MYO1D: variants seen among roughly 807,000 people sequenced by gnomAD.
MYO1D encodes the protein myosin ID.
A neutral mutation model predicts 122.0 loss-of-function variants in MYO1D; 83 were observed. That is an observed-to-expected ratio of 0.68 (90% CI 0.57 to 0.82). The LOEUF is 0.82. Ranked by LOEUF, MYO1D falls within the 40% of genes least tolerant of loss-of-function variation. The pLI is 0.00. For synonymous variants in MYO1D, 464 were observed against 446.9 expected, an observed-to-expected ratio of 1.04 and a Z score of -0.48; for missense variants, 1,157 against 1,269.5, an observed-to-expected ratio of 0.91 and a Z score of 1.35.
At chr17:32,552,695 G>T (rs2087028969) in intron 21 of MYO1D, among the ~76,000 whole-genome samples, 1 of 152,318 alleles carries the variant, frequency 6.6e-6, no homozygotes, top group Middle Eastern at 3.4e-3. Flanking sequence ...AAATGCTCTT[G>T]CTCCAATGGA....
At chr17:32,500,579 GTGACTACGTGTGT>G (rs1173787727) in intron 21 of MYO1D, among the ~76,000 whole-genome samples, 2 of 152,116 alleles carry the variant, frequency 1.3e-5, no homozygotes, top group Non-Finnish European at 2.9e-5. Flanking sequence ...AGGGGGTTGA[GTGACTACGTGTGT>G]TGAGCTCACC....
At chr17:32,510,282 C>G (rs1909646431) in intron 21 of MYO1D, 1 of 152,224 alleles carries the variant, frequency 6.6e-6, no homozygotes, top group African/African-American at 2.4e-5. Context: ...GCTTCTGAGT[C>G]AGAGGAAAAG....
chr17:32,807,948 T>C (rs1438963799), intron 1 of MYO1D, among the ~76,000 whole-genome samples: 2 of 152,218 alleles, frequency 1.3e-5, no homozygotes, highest in African/African-American at 4.8e-5. Context: ...ATAATTGAGA[T>C]GTCAGCCCCT....
At chr17:32,651,053 T>C (rs191460562) in intron 19 of MYO1D, among the ~76,000 whole-genome samples, 2 of 152,336 alleles carry the variant, frequency 1.3e-5, no homozygotes, top group East Asian at 3.9e-4. Flanking sequence ...TGGGAACAGT[T>C]TGATTATCTC....
At chr17:32,704,522 G>C (rs1598024238) in intron 16 of MYO1D, among the ~76,000 whole-genome samples, 1 of 152,238 alleles carries the variant, frequency 6.6e-6, no homozygotes, top group East Asian at 1.9e-4. Flanking sequence ...AACCTTAACA[G>C]TGTACATCTT....
intron 1 of MYO1D, among the ~76,000 whole-genome samples, chr17:32,781,259 A>C (rs986317263): frequency 1.3e-5 from 2 of 152,238 alleles, no homozygotes; most frequent in African/African-American, 4.8e-5. Flanking sequence ...AGTAAAATCC[A>C]TAACAGAGAG....
intron 21 of MYO1D, chr17:32,529,950 C>T (rs1325472358): frequency 6.6e-6 from 1 of 152,222 alleles, no homozygotes; most frequent in Non-Finnish European, 1.5e-5. Context: ...TCCACTTGAA[C>T]AATAGCGTTT....
chr17:32,844,708 G>A (rs1263880261), intron 1 of MYO1D, among the ~76,000 whole-genome samples: 1 of 151,860 alleles, frequency 6.6e-6, no homozygotes, highest in African/African-American at 2.4e-5. Context: ...CTGGATGACA[G>A]GGCAAGACCC....
intron 1 of MYO1D, chr17:32,830,190 C>T (rs2090758260): frequency 1.3e-5 from 2 of 151,986 alleles, no homozygotes; most frequent in Admixed American, 1.3e-4. Context: ...CAAAATTCTC[C>T]ATCTGATGAA....
intron 4 of MYO1D, among the ~76,000 whole-genome samples, chr17:32,773,771 C>CT (rs1187903437): frequency 6.6e-6 from 1 of 152,162 alleles, no homozygotes; most frequent in African/African-American, 2.4e-5. Context: ...GAAAACAGCA[C>CT]TTTAAATTTC....
intron 15 of MYO1D, among the ~76,000 whole-genome samples, chr17:32,718,433 C>G (rs1414860716): frequency 6.6e-6 from 1 of 152,160 alleles, no homozygotes; most frequent in Non-Finnish European, 1.5e-5. Context: ...CGTGGTGGCT[C>G]ATGCCTATAA....
chr17:32,707,559 AT>A (rs202159787), intron 16 of MYO1D, among the ~76,000 whole-genome samples: 1 of 36,150 alleles, frequency 2.8e-5, no homozygotes. Flanking sequence ...GGGAAGACTA[AT>A]GGGGGTCCCC....
chr17:32,554,993 A>G (rs1460733867), intron 21 of MYO1D, among the ~76,000 whole-genome samples: 1 of 152,160 alleles, frequency 6.6e-6, no homozygotes, highest in Non-Finnish European at 1.5e-5. Flanking sequence ...ATGTACGAAA[A>G]GCCTTAAAAA....
chr17:32,731,481 T>A (rs1440525878), intron 14 of MYO1D, among the ~76,000 whole-genome samples: 2 of 152,250 alleles, frequency 1.3e-5, no homozygotes, highest in East Asian at 1.9e-4. Flanking sequence ...GAAGTTTTCA[T>A]GAGTCTGAAC....
intron 21 of MYO1D, among the ~76,000 whole-genome samples, chr17:32,598,139 C>A (rs2150908978): frequency 6.6e-6 from 1 of 152,142 alleles, no homozygotes; most frequent in African/African-American, 2.4e-5. Flanking sequence ...TTTGCGGGGC[C>A]AGGGCGGGTG....
chr17:32,830,802 G>A (rs2090764805), intron 1 of MYO1D, among the ~76,000 whole-genome samples: 1 of 152,200 alleles, frequency 6.6e-6, no homozygotes, highest in African/African-American at 2.4e-5. Context: ...GCTCATGCCT[G>A]TAATCCCAGC....
chr17:32,553,741 C>T (rs2087043666), intron 21 of MYO1D, among the ~76,000 whole-genome samples: 1 of 152,052 alleles, frequency 6.6e-6, no homozygotes, highest in South Asian at 2.1e-4. Context: ...TGTTATGTTC[C>T]TGAGAGTTCC....
At chr17:32,586,790 C>A (rs2087389900) in intron 21 of MYO1D, among the ~76,000 whole-genome samples, 1 of 152,088 alleles carries the variant, frequency 6.6e-6, no homozygotes, top group Non-Finnish European at 1.5e-5. Flanking sequence ...GTCTCTTGGC[C>A]CTTTTCCACT....
intron 11 of MYO1D, among the ~76,000 whole-genome samples, chr17:32,752,587 A>T (rs1228496310): frequency 6.6e-6 from 1 of 152,148 alleles, no homozygotes; most frequent in Non-Finnish European, 1.5e-5. Context: ...AAATCACATA[A>T]CCCCATTAAA....
Sources: gnomAD v4.1 joint callset for allele counts (sites outside exome capture counted in the v4.1 genomes callset) on GRCh38, gnomAD v4.1.1 for gene constraint, MANE v1.5 for transcripts, NCBI Gene and HGNC (gene_info 2026-07-23, HGNC 2026-07-21) for gene names.